The following RUNX2 variants were observed in gnomAD, a reference collection of about 807,000 sequenced individuals.
The protein encoded by RUNX2 is runt-related transcription factor 2.
A neutral mutation model predicts 51.7 loss-of-function variants in RUNX2; 10 were observed. The ratio of observed to expected loss-of-function variants is 0.19; its 90% CI spans 0.12 to 0.33. RUNX2 has a LOEUF of 0.33. Among genes scored for constraint, RUNX2 ranks in the 10% least tolerant of loss-of-function variants. The pLI, the probability that RUNX2 is intolerant of heterozygous loss-of-function variation, is 1.00. For missense variants in RUNX2, 562 were observed against 691.3 expected, an observed-to-expected ratio of 0.81 and a Z score of 2.10; for synonymous variants, 276 against 273.6, an observed-to-expected ratio of 1.01 and a Z score of -0.09.
chr6:45,515,371 A>G (rs889968887), intron 7 of RUNX2, among the ~76,000 whole-genome samples: 8 of 152,194 alleles, frequency 5.3e-5, no homozygotes, highest in African/African-American at 1.7e-4. Context: ...GGTTGGTGTG[A>G]GGATTAAGTG....
chr6:45,410,223 T>G (rs546518073), intron 2 of RUNX2, among the ~76,000 whole-genome samples: 2 of 152,178 alleles, frequency 1.3e-5, no homozygotes, highest in Admixed American at 1.3e-4. Flanking sequence ...CCGATGGCAA[T>G]GTGGAGGATA....
chr6:45,519,824 GTGTGTGTGTGTGTA>G (rs1801447295), intron 7 of RUNX2, among the ~76,000 whole-genome samples: 1 of 135,958 alleles, frequency 7.4e-6, no homozygotes, highest in Admixed American at 7.5e-5. Flanking sequence ...GTGTGTGTGT[GTGTGTGTGTGTGTA>G]TATATTTGAG....
At chr6:45,376,197 G>A (rs1220538085) in intron 2 of RUNX2, among the ~76,000 whole-genome samples, 4 of 152,200 alleles carry the variant, frequency 2.6e-5, no homozygotes, top group Non-Finnish European at 5.9e-5. Flanking sequence ...TTGTCAAGAT[G>A]TAAATAAGTA....
chr6:45,359,794 A>T (rs567320406), intron 2 of RUNX2, among the ~76,000 whole-genome samples: 4 of 152,322 alleles, frequency 2.6e-5, no homozygotes, highest in South Asian at 2.1e-4. Context: ...TTCTAATCCC[A>T]ACCCTTTGGG....
chr6:45,481,649 C>T (rs1346615768), intron 5 of RUNX2, among the ~76,000 whole-genome samples: 2 of 152,192 alleles, frequency 1.3e-5, no homozygotes. Context: ...GTCAGAGAGA[C>T]TGGGCATAAT....
At chr6:45,465,797 G>A (rs753586961) in intron 5 of RUNX2, among the ~76,000 whole-genome samples, 1 of 150,500 alleles carries the variant, frequency 6.6e-6, no homozygotes, top group Non-Finnish European at 1.5e-5. Flanking sequence ...CACCACGCCT[G>A]GCTAATTTTT....
chr6:45,525,248 A>G (rs1215344379), intron 7 of RUNX2, among the ~76,000 whole-genome samples: 1 of 152,224 alleles, frequency 6.6e-6, no homozygotes, highest in Non-Finnish European at 1.5e-5. Flanking sequence ...TTGAAGGGTT[A>G]ATAAAACCTC....
At chr6:45,343,650 T>C (rs549743885) in intron 2 of RUNX2, among the ~76,000 whole-genome samples, 18 of 152,322 alleles carry the variant, frequency 1.2e-4, no homozygotes, top group African/African-American at 4.3e-4. Context: ...ACGAACTAGC[T>C]ACTAGTCTAT....
rs137859258 is a variant in RUNX2 at position 45,502,867 on chromosome 6, C to T, written c.860-9379C>T. 2.1e-4 allele frequency among the ~76,000 whole-genome samples: 32 copies of T among 152,302 alleles called. No homozygotes were observed. The East Asian group carries it at 3.9e-3, about 18-fold the overall frequency. ...TAAAGATTAAAATGTCTAGCATGGC[C>T]CAGCAGGGTCAGCACAGCCTGGCTC... On this transcript the variant is annotated intron_variant, in intron 6 of 8. Coordinates refer to ENST00000647337, the MANE Select transcript of RUNX2 (RefSeq NM_001024630.4).
chr6:45,521,193 A>T (rs6911664), intron 7 of RUNX2, among the ~76,000 whole-genome samples: 54,754 of 151,858 alleles, frequency 0.36, 11,412 homozygotes, highest in African/African-American at 0.59. Context: ...AGAAGATTTT[A>T]AAAAAAAGAG....
chr6:45,347,580 A>G (rs1391160224), intron 2 of RUNX2, among the ~76,000 whole-genome samples: 2 of 152,162 alleles, frequency 1.3e-5, no homozygotes, highest in Non-Finnish European at 2.9e-5. Context: ...TACATTCCAT[A>G]TATTTTTAAA....
At chr6:45,369,868 T>A (rs552564450) in intron 2 of RUNX2, among the ~76,000 whole-genome samples, 2 of 152,246 alleles carry the variant, frequency 1.3e-5, no homozygotes, top group East Asian at 3.9e-4. Context: ...GCATTTAATA[T>A]AAGATCTGGG....
In RUNX2 at chr6:45,538,668, C is replaced by CT. The variant is rs35896936; in HGVS notation, c.1022-6538dup. ...TTGTCCCTTTTTTCCTCCTTTTTTCCTTTTTTTTTTTGGCTGGCTAATCGG... is the reference window on the plus strand; with the variant it reads ...TTGTCCCTTTTTTCCTCCTTTTTTCCTTTTTTTTTTTTGGCTGGCTAATCGG... On this transcript the variant is annotated intron_variant, in intron 7 of 8. Coordinates refer to ENST00000647337, the MANE Select transcript of RUNX2 (RefSeq NM_001024630.4). Among the ~76,000 whole-genome samples, 345 of 143,918 alleles carry CT rather than the reference C, an allele frequency of 2.4e-3. 4 individuals carry two copies. The East Asian group carries it at 0.029, about 12-fold the overall frequency. 94.4% of individuals were successfully genotyped at this position (143,918 alleles called of 152,430 possible).
chr6:45,499,686 G>T (rs1000663365), intron 6 of RUNX2, among the ~76,000 whole-genome samples: 2 of 152,150 alleles, frequency 1.3e-5, no homozygotes, highest in African/African-American at 2.4e-5. Context: ...TCAAAAAATT[G>T]TCTTTGTAAT....
rs1161998564 is a variant in RUNX2, at chr6:45,463,663, TTTTG to T, written c.685+25615_685+25618del. 2.6e-5 allele frequency among the ~76,000 whole-genome samples: 4 copies of T among 152,328 alleles called. No individual in the cohort carries two copies. In the East Asian group the frequency reaches 7.7e-4, roughly 29 times the overall value. ...AAAAATGAATTCTCCCTCCTTTTAT[TTTTG>T]TTCCCTTTTTCTTTCAGTTTACTTT... is the stretch of plus-strand genomic sequence containing the variant. On this transcript the variant is annotated intron_variant, in intron 5 of 8. Transcript: ENST00000647337.
chr6:45,545,332 C>G, intron 8 of RUNX2, 50 bp downstream of exon 8: 3 of 1,540,770 alleles, frequency 1.9e-6, no homozygotes, highest in South Asian at 1.2e-5. Flanking sequence ...CTGGGCTGGG[C>G]TGTCTGGTTG....
intron 2 of RUNX2, among the ~76,000 whole-genome samples, chr6:45,352,966 T>A (rs1792374907): frequency 6.6e-6 from 1 of 152,068 alleles, no homozygotes; most frequent in African/African-American, 2.4e-5. Context: ...TTGGCTGATT[T>A]TTACATACTG....
At chr6:45,407,425 A>T (rs1013890841) in intron 2 of RUNX2, among the ~76,000 whole-genome samples, 16 of 152,032 alleles carry the variant, frequency 1.1e-4, no homozygotes, top group Middle Eastern at 3.2e-3. Context: ...CATGAACAAG[A>T]TCCTCCTCAG....
chr6:45,362,419 T>A (rs1437954455), intron 2 of RUNX2, among the ~76,000 whole-genome samples: 4 of 152,130 alleles, frequency 2.6e-5, no homozygotes, highest in African/African-American at 9.7e-5. Flanking sequence ...AGTCACAGAA[T>A]GAAATTACTG....
Sources: gnomAD v4.1 joint callset for allele counts (sites outside exome capture counted in the v4.1 genomes callset) on GRCh38, gnomAD v4.1.1 for gene constraint, MANE v1.5 for transcripts, NCBI Gene and HGNC (gene_info 2026-07-23, HGNC 2026-07-21) for gene names.